Variants in DSE observed in about 807,000 individuals in gnomAD.
DSE encodes the protein dermatan sulfate epimerase, also known as dermatan-sulfate epimerase.
A neutral mutation model predicts 84.4 loss-of-function variants in DSE; 36 were observed. The observed-to-expected ratio is 0.43, with a 90% CI of 0.33 to 0.56. The LOEUF (loss-of-function observed/expected upper bound fraction) is 0.56, where lower values mean the gene tolerates loss of function less well. DSE is among the 20% of genes least tolerant of loss of function. The pLI, the probability that DSE is intolerant of heterozygous loss-of-function variation, is 0.06. For synonymous variants in DSE, 410 were observed against 430.1 expected (o/e 0.95, Z 0.58); for missense variants, 862 against 1,169.6 (o/e 0.74, Z 3.84).
Position 116,443,651 on chromosome 6 carries a change from C to G in DSE, c.*6306C>G, listed in dbSNP as rs1433472236. The G allele has an allele frequency of 2.0e-5, 3 of 152,192 alleles. No individual in the cohort carries two copies. The highest frequency in any genetic ancestry group is 7.2e-5 in the African/African-American group (3 of 41,448). 9.4% of individuals were successfully genotyped at this position (152,192 alleles called of 1,614,324 possible). A position where few individuals can be genotyped will look rare whatever the true frequency, so the allele number is the denominator to read the frequency against. ...TAAAAGTGCTGCTCCTTCTGCATAT[C>G]TCTAGAAATTTGTTATGGGGAAGTC... On this transcript the variant is annotated 3_prime_UTR_variant, in exon 6 of 6. Coordinates refer to ENST00000644252, the MANE Select transcript of DSE (RefSeq NM_013352.4).
chr6:116,292,321 T>C (rs1291448627), intron 2 of DSE, among the ~76,000 whole-genome samples: 1 of 151,892 alleles, frequency 6.6e-6, no homozygotes, highest in East Asian at 1.9e-4. Context: ...AAGAATGGAC[T>C]TCAGGAAGCT....
At chr6:116,360,794 AT>A (rs544966487) in intron 2 of DSE, among the ~76,000 whole-genome samples, 14 of 151,306 alleles carry the variant, frequency 9.3e-5, no homozygotes, top group South Asian at 2.1e-4. Flanking sequence ...GACATTTTTA[AT>A]TTTTTTTTAA....
At chr6:116,307,273 G>A (rs780480569) in intron 2 of DSE, among the ~76,000 whole-genome samples, 4 of 152,166 alleles carry the variant, frequency 2.6e-5, no homozygotes, top group African/African-American at 4.8e-5. Flanking sequence ...TACTGTTTGG[G>A]TGTGGATTGA....
At position 116,436,500 on chromosome 6, in the gene DSE, G is replaced by A. The variant is rs764589290; in HGVS notation, c.2032G>A (p.Gly678Arg). 16 of 1,613,946 alleles carry A rather than the reference G, an allele frequency of 9.9e-6. No homozygotes were observed. The highest frequency in any genetic ancestry group is 1.6e-4 in the Middle Eastern group (1 of 6,084). Residue 678 changes from glycine (G) to arginine (R), a missense_variant, in exon 6 of 6, where the codon GGA becomes AGA. Physicochemically the swap from Gly to Arg is moderately radical, Grantham distance 125. Around this residue, in one of 4 missense-constraint regions of DSE, gnomAD observed 315 missense variants for 348.1 expected, o/e 0.90. Coordinates refer to ENST00000644252, the MANE Select transcript of DSE (RefSeq NM_013352.4). ...AGATGTTCAGAGCTTCACTGTCCAC[G>A]GAGACTCTCAGCAACTGGATGTGTT... ...SIDVQSFTVHGDSQQLDVFIA... is the reference protein window; with the variant it reads ...SIDVQSFTVHRDSQQLDVFIA...
chr6:116,411,702 A>G (rs1489249702), intron 2 of DSE, among the ~76,000 whole-genome samples: 1 of 152,230 alleles, frequency 6.6e-6, no homozygotes, highest in East Asian at 1.9e-4. Flanking sequence ...TCTAAATCAT[A>G]ATTTCTAGAA....
chr6:116,358,001 T>A (rs1167777098), intron 2 of DSE, among the ~76,000 whole-genome samples: 1 of 151,980 alleles, frequency 6.6e-6, no homozygotes, highest in African/African-American at 2.4e-5. Flanking sequence ...CAAATAAGAG[T>A]ATGTGAATAA....
At chr6:116,426,496 G>T (rs1783462424) in intron 2 of DSE, 78 bp from the exon 3 acceptor site, 15 of 1,546,622 alleles carry the variant, frequency 9.7e-6, no homozygotes, top group Non-Finnish European at 1.1e-5. Flanking sequence ...CTTTAGTTCT[G>T]AGAAATAGAC....
chr6:116,367,233 G>A (rs1385628839), upstream of DSE: 2 of 152,250 alleles, frequency 1.3e-5, no homozygotes, highest in Admixed American at 6.5e-5. Flanking sequence ...TACAAGTACA[G>A]GGCAGTATGG....
At chr6:116,278,570 G>T (rs1300601095) in intron 2 of DSE, 1 of 1,614,040 alleles carries the variant, frequency 6.2e-7, no homozygotes, top group African/African-American at 1.3e-5. Context: ...TCCCTTAGCG[G>T]GCGACGTCGG....
At position 116,399,280 on chromosome 6, in the gene DSE, T is replaced by A; in HGVS notation, c.30T>A (p.Ser10Arg). The A allele has an allele frequency of 6.2e-7, 1 of 1,613,994 alleles. No homozygotes were observed. The highest frequency in any genetic ancestry group is 8.5e-7 in the Non-Finnish European group (1 of 1,180,032). The part of the protein sequence containing the change: MRTHTRGAP[S>R]VFFIYLLCFV... ...GGACTCACACACGGGGGGCTCCCAG[T>A]GTGTTTTTCATATATTTGCTTTGCT... Residue 10 changes from serine to arginine, a missense_variant, in exon 2 of 6, where the codon AGT becomes AGA. This residue lies in a region of DSE where 52 missense variants were observed against 49.6 expected (regional missense o/e 1.05). Transcript: ENST00000644252.
At chr6:116,362,078 CA>C (rs1778933836) in intron 2 of DSE, among the ~76,000 whole-genome samples, 1 of 152,232 alleles carries the variant, frequency 6.6e-6, no homozygotes, top group East Asian at 1.9e-4. Context: ...GATTCACTTT[CA>C]AAAGCTGTAA....
intron 2 of DSE, among the ~76,000 whole-genome samples, chr6:116,307,586 C>A (rs977296964): frequency 1.1e-4 from 16 of 152,136 alleles, no homozygotes; most frequent in African/African-American, 3.9e-4. Context: ...ATGATTAATT[C>A]TTTCTCTAAA....
chr6:116,342,043 G>A (rs2501050), intron 2 of DSE, among the ~76,000 whole-genome samples: 115,203 of 152,184 alleles, frequency 0.76, 44,876 homozygotes, highest in East Asian at 1. Context: ...ATGAAATAGA[G>A]TGAAATAGCT....
At chr6:116,308,084 G>A (rs1047022667) in intron 2 of DSE, among the ~76,000 whole-genome samples, 2 of 152,112 alleles carry the variant, frequency 1.3e-5, no homozygotes, top group African/African-American at 4.8e-5. Flanking sequence ...ATAACCAGCT[G>A]GCCTAATTTT....
In DSE at chr6:116,436,346, G is replaced by A. The variant is rs1784151783; in HGVS notation, c.1878G>A (p.Glu626=). ...MYWMDDTGYS[E]KATFASVTYP... ...GGATGGACGATACTGGCTACAGCGA[G>A]AAAGCAACCTTTGCCTCAGTGACAT... Residue 626 remains glutamate, a synonymous_variant, in exon 6 of 6, where the codon GAG becomes GAA. Coordinates refer to ENST00000644252, the MANE Select transcript of DSE (RefSeq NM_013352.4). 6.2e-7 allele frequency: 1 copy of A among 1,614,074 alleles called. No individual in the cohort carries two copies. Among genetic ancestry groups the A allele is most frequent in the Non-Finnish European group, 8.5e-7 (1 of 1,180,036 alleles).
At chr6:116,364,787 T>C (rs892071106) in intron 2 of DSE, among the ~76,000 whole-genome samples, 1 of 151,862 alleles carries the variant, frequency 6.6e-6, no homozygotes, top group East Asian at 1.9e-4. Context: ...ACATATTCTC[T>C]AATTAATACT....
chr6:116,296,479 G>C (rs1582963538), intron 2 of DSE, among the ~76,000 whole-genome samples: 1 of 152,072 alleles, frequency 6.6e-6, no homozygotes, highest in Admixed American at 6.6e-5. Flanking sequence ...AACATAAAAA[G>C]ATAATTTGAA....
intron 1 of DSE, among the ~76,000 whole-genome samples, chr6:116,372,335 G>A (rs1267135178): frequency 6.6e-6 from 1 of 152,152 alleles, no homozygotes; most frequent in African/African-American, 2.4e-5. Flanking sequence ...GGGCGTGGTG[G>A]CGGGCGCCTG....
intron 2 of DSE, among the ~76,000 whole-genome samples, chr6:116,297,549 G>A (rs1002035518): frequency 3.3e-5 from 5 of 152,186 alleles, no homozygotes. Context: ...ATTAGCAGGG[G>A]CTAAAATGAG....
Sources: allele counts gnomAD v4.1 joint callset (sites outside exome capture counted in the v4.1 genomes callset), GRCh38; gene constraint gnomAD v4.1.1; regional missense constraint gnomAD v4.1.1; transcripts MANE v1.5; gene names NCBI Gene and HGNC (gene_info 2026-07-23, HGNC 2026-07-21).